The following LRRIQ1 variants were observed in gnomAD, a reference collection of about 807,000 sequenced individuals.
LRRIQ1 encodes the protein leucine-rich repeat- and IQ domain-containing protein 1.
LRRIQ1 carries 210 observed loss-of-function variants against 211.9 expected under a neutral mutation model. That is an observed-to-expected ratio of 0.99 (90% CI 0.89 to 1.11). LRRIQ1 has a LOEUF of 1.11. LRRIQ1 is among the 50% of genes most tolerant of loss of function. LRRIQ1 has a pLI of 0.00. For synonymous variants in LRRIQ1, 699 were observed against 650.1 expected (o/e 1.08, Z -1.14); for missense variants, 2,136 against 1,939.5 (o/e 1.10, Z -1.90).
intron 24 of LRRIQ1, among the ~76,000 whole-genome samples, chr12:85,173,541 CCATATCCTTA>C (rs1891521213): frequency 6.6e-6 from 1 of 152,052 alleles, no homozygotes; most frequent in African/African-American, 2.4e-5. Flanking sequence ...CACCTGCTTG[CCATATCCTTA>C]CATGTGCAAA....
At chr12:85,258,881 CT>C (rs1403482351) in intron 1 of LRRIQ1, among the ~76,000 whole-genome samples, 7 of 151,872 alleles carry the variant, frequency 4.6e-5, no homozygotes, top group African/African-American at 1.7e-4. Context: ...CTATTTTGAC[CT>C]GTTAAACGGT....
At chr12:85,269,424 C>T (rs1046005125), downstream of LRRIQ1, among the ~76,000 whole-genome samples, 15 of 151,972 alleles carry the variant, frequency 9.9e-5, no homozygotes, top group Non-Finnish European at 5.9e-5. Flanking sequence ...AAGTTACCTA[C>T]ACTGAAGTCT....
At chr12:85,225,306 G>C (rs542858657) in intron 24 of LRRIQ1, among the ~76,000 whole-genome samples, 18 of 152,178 alleles carry the variant, frequency 1.2e-4, no homozygotes, top group African/African-American at 4.1e-4. Flanking sequence ...TTCAAAGAAG[G>C]TCCTGGAACC....
At chr12:85,063,510 C>T (rs1400280439) in intron 8 of LRRIQ1, among the ~76,000 whole-genome samples, 3 of 151,638 alleles carry the variant, frequency 2.0e-5, no homozygotes, top group Non-Finnish European at 3.0e-5. Context: ...TATCCATTAT[C>T]TCAAGTATTT....
intron 24 of LRRIQ1, among the ~76,000 whole-genome samples, chr12:85,174,110 T>C (rs754414743): frequency 9.2e-5 from 14 of 151,786 alleles, no homozygotes; most frequent in Admixed American, 2.6e-4. Flanking sequence ...GGGAAAAAAG[T>C]AGCAAGCATA....
chr12:85,070,894 A>T (rs1479775115), intron 10 of LRRIQ1, among the ~76,000 whole-genome samples: 4 of 151,964 alleles, frequency 2.6e-5, no homozygotes, highest in African/African-American at 9.7e-5. Context: ...TACTAATTTT[A>T]AGATTTATTT....
chr12:85,040,454 C>T (rs747671795), intron 2 of LRRIQ1, 36 bp from the exon 3 acceptor site: 1 of 1,274,644 alleles, frequency 7.8e-7, no homozygotes, highest in Non-Finnish European at 1.1e-6. Context: ...TGATAATAAA[C>T]ACTTTCACAG....
Position 85,057,156 on chromosome 12 carries a change from G to T in LRRIQ1, c.2363G>T (p.Arg788Leu), listed in dbSNP as rs150404814. 2.9e-5 allele frequency: 45 copies of T among 1,554,542 alleles called. No individual in the cohort carries two copies. In the African/African-American group the frequency reaches 3.1e-4, roughly 11 times the overall value. ...TPALDKLEIL[R>L]CGPWDTLQQV... ...GCTTTGGATAAACTGGAAATTCTTC[G>T]ATGTGGCCCTTGGGATACTTTACAG... Residue 788 changes from arginine to leucine, a missense_variant, in exon 8 of 27, where the codon CGA (arginine) becomes CTA (leucine). Transcript: ENST00000393217.
intron 8 of LRRIQ1, among the ~76,000 whole-genome samples, chr12:85,064,977 G>A (rs1403663296): frequency 6.6e-6 from 1 of 151,584 alleles, no homozygotes; most frequent in Non-Finnish European, 1.5e-5. Flanking sequence ...ATCAAAAATT[G>A]TTGAAAACTC....
At chr12:85,181,118 A>T (rs368583831) in intron 24 of LRRIQ1, among the ~76,000 whole-genome samples, 2 of 32,092 alleles carry the variant, frequency 6.2e-5, no homozygotes, top group African/African-American at 1.6e-3. Flanking sequence ...CTATCCCTTG[A>T]ACTTAGGTAG....
At chr12:85,248,413 T>C (rs1305249966), downstream of LRRIQ1, among the ~76,000 whole-genome samples, 1 of 151,700 alleles carries the variant, frequency 6.6e-6, no homozygotes, top group Non-Finnish European at 1.5e-5. Flanking sequence ...AAAATTATTA[T>C]AATTTTTAAT....
At chr12:85,104,114 C>T in intron 14 of LRRIQ1, 37 bp downstream of exon 14, 2 of 1,093,072 alleles carry the variant, frequency 1.8e-6, no homozygotes, top group Non-Finnish European at 1.2e-6. Context: ...TAATAATAGA[C>T]TTTTGACTTT....
At chr12:85,166,557 CT>C (rs1891164415) in intron 24 of LRRIQ1, among the ~76,000 whole-genome samples, 1 of 152,154 alleles carries the variant, frequency 6.6e-6, no homozygotes, top group Non-Finnish European at 1.5e-5. Flanking sequence ...GCATTTTCTC[CT>C]CCTGACTTCT....
chr12:85,185,786 T>G (rs1402559479), intron 24 of LRRIQ1, among the ~76,000 whole-genome samples: 4 of 152,034 alleles, frequency 2.6e-5, no homozygotes, highest in African/African-American at 9.6e-5. Flanking sequence ...TTGATTTAAA[T>G]GAATGTTTCA....
intron 2 of LRRIQ1, among the ~76,000 whole-genome samples, chr12:85,038,740 A>G (rs913144116): frequency 2.6e-5 from 4 of 151,564 alleles, no homozygotes; most frequent in African/African-American, 9.7e-5. Context: ...AATGTTATGA[A>G]ATGTAGAACT....
intron 7 of LRRIQ1, among the ~76,000 whole-genome samples, chr12:85,054,637 A>G (rs1265197573): frequency 1.3e-5 from 2 of 152,048 alleles, no homozygotes; most frequent in African/African-American, 4.8e-5. Flanking sequence ...TGTTTGGGGA[A>G]AACATCTCAT....
chr12:85,129,789 T>C (rs1888625016), intron 18 of LRRIQ1, among the ~76,000 whole-genome samples: 1 of 152,162 alleles, frequency 6.6e-6, no homozygotes, highest in African/African-American at 2.4e-5. Flanking sequence ...ACTGGTGGAA[T>C]TTGAACAGTG....
intron 15 of LRRIQ1, among the ~76,000 whole-genome samples, chr12:85,114,637 C>T (rs1489463568): frequency 6.6e-6 from 1 of 151,466 alleles, no homozygotes; most frequent in East Asian, 1.9e-4. Context: ...TAGAGTTTTA[C>T]AGAAAATACA....
the LRRIQ1 span, among the ~76,000 whole-genome samples, chr12:85,269,712 A>T: frequency 6.6e-6 from 1 of 151,994 alleles, no homozygotes; most frequent in African/African-American, 2.4e-5. Flanking sequence ...GAGTCCTCTA[A>T]GTCTAGTATT....
Sources: allele counts gnomAD v4.1 joint callset (sites outside exome capture counted in the v4.1 genomes callset), GRCh38; gene constraint gnomAD v4.1.1; transcripts MANE v1.5; gene names NCBI Gene and HGNC (gene_info 2026-07-23, HGNC 2026-07-21).